The following RNF145 variants were observed in gnomAD, a reference collection of about 807,000 sequenced individuals.
RNF145 encodes the protein ring finger protein 145.
A neutral mutation model predicts 57.3 loss-of-function variants in RNF145; 12 were observed. That is an observed-to-expected ratio of 0.21 (90% confidence interval 0.13 to 0.34). The LOEUF (loss-of-function observed/expected upper bound fraction) is 0.34. Among genes scored for constraint, RNF145 ranks in the 10% least tolerant of loss-of-function variants. RNF145 has a pLI of 1.00. For synonymous variants in RNF145, 262 were observed against 288.3 expected (o/e 0.91, Z 0.92); for missense variants, 429 against 799.0 (o/e 0.54, Z 5.58).
rs1477547461 is a variant in RNF145 at position 159,161,337 on chromosome 5, T to A, written c.1555A>T (p.Ile519Phe). Residue 519 changes from isoleucine to phenylalanine, a missense_variant, in exon 10 of 11, where the codon ATT (isoleucine) becomes TTT (phenylalanine). Coordinates refer to ENST00000424310, the MANE Select transcript of RNF145 (RefSeq NM_001199383.2). ...TTCGTAGCAATGGGTAACGATTTAA[T>A]CTTATTCACAGCATCCCTGCGGAGA... ...FLLRRDAVNK[I>F]KSLPIATKEQ... 6.2e-7 allele frequency: 1 copy of A among 1,614,088 alleles called. No homozygotes were observed. The highest frequency in any genetic ancestry group is 2.2e-5 in the East Asian group (1 of 44,904).
intron 8 of RNF145, among the ~76,000 whole-genome samples, chr5:159,166,558 C>T (rs1784398823): frequency 6.6e-6 from 1 of 152,120 alleles, no homozygotes; most frequent in Non-Finnish European, 1.5e-5. Flanking sequence ...AGATAGGAAT[C>T]CAGTGTTTTT....
upstream of RNF145, chr5:159,209,742 G>A: frequency 8.6e-7 from 1 of 1,167,224 alleles, no homozygotes; most frequent in Middle Eastern, 2.6e-4. Flanking sequence ...TGGCTATGGA[G>A]AGGCGTACTG....
Position 159,169,829 on chromosome 5 carries a change from AAG to A in RNF145, c.798-12_798-11del, listed in dbSNP as rs764055578. 3.0e-5 allele frequency: 47 copies of A among 1,589,586 alleles called. 1 individual carries two copies. The South Asian group carries it at 4.4e-4, about 15-fold the overall frequency. ...GCAGCATTCCGCAATACTGGAAAAA[AAG>A]AGGGGGAAATTAACAGACATAAACT... On this transcript the variant is annotated splice_polypyrimidine_tract_variant and intron_variant, in intron 6 of 10. Transcript: ENST00000424310.
rs369315767 is a variant in RNF145 at position 159,182,567 on chromosome 5, C to T, written c.294-516G>A. On this transcript the variant is annotated intron_variant, in intron 3 of 10. Transcript: ENST00000424310. ...AACCCTTAAAAATTATCATTTTCAA[C>T]TCTATATGAAATCTAAGATAATTAT... Among the ~76,000 whole-genome samples, 15 of 152,248 alleles carry T rather than the reference C, an allele frequency of 9.9e-5. No homozygotes were observed. The East Asian group carries it at 2.3e-3, about 23-fold the overall frequency.
chr5:159,191,920 G>T (rs1785302150), intron 3 of RNF145, among the ~76,000 whole-genome samples: 1 of 151,966 alleles, frequency 6.6e-6, no homozygotes, highest in Admixed American at 6.6e-5. Flanking sequence ...AAACTACTTA[G>T]GTCCCCTTTT....
chr5:159,172,979 G>A (rs1010831976), intron 6 of RNF145, among the ~76,000 whole-genome samples: 1 of 152,182 alleles, frequency 6.6e-6, no homozygotes, highest in Admixed American at 6.5e-5. Flanking sequence ...ACTAGATTCT[G>A]AGAATGTGAG....
chr5:159,185,301 G>A (rs1785021488), intron 3 of RNF145, among the ~76,000 whole-genome samples: 1 of 152,106 alleles, frequency 6.6e-6, no homozygotes, highest in African/African-American at 2.4e-5. Flanking sequence ...TTTGGTGACA[G>A]CTAAACTACC....
chr5:159,162,462 C>T (rs1432994701), intron 9 of RNF145, among the ~76,000 whole-genome samples: 3 of 140,032 alleles, frequency 2.1e-5, no homozygotes. Flanking sequence ...GAGTCTCGCT[C>T]TGTCGCCCAG....
chr5:159,181,230 T>C (rs1349032794), intron 4 of RNF145, among the ~76,000 whole-genome samples: 1 of 151,250 alleles, frequency 6.6e-6, no homozygotes, highest in Non-Finnish European at 1.5e-5. Flanking sequence ...TCCACAGCAT[T>C]CCCCCCTTCA....
Position 159,168,939 on chromosome 5 carries a change from G to C in RNF145, c.1055C>G (p.Ser352Cys). Residue 352 changes from serine to cysteine, a missense_variant, in exon 8 of 11, where the codon TCT becomes TGT. By Grantham distance (112) the Ser-to-Cys change is moderately radical. Coordinates refer to ENST00000424310, the MANE Select transcript of RNF145 (RefSeq NM_001199383.2). ...LSIILFIVVA[S>C]ILQSMLEIAD... ...AATTTCTAACATAGACTGTAGGATAGAAGCTACGACAATGAAAAGGATAAT... is the reference window on the plus strand; with the variant it reads ...AATTTCTAACATAGACTGTAGGATACAAGCTACGACAATGAAAAGGATAAT... The C allele has an allele frequency of 6.2e-7, 1 of 1,607,178 alleles. No homozygotes were observed. The highest frequency in any genetic ancestry group is 8.5e-7 in the Non-Finnish European group (1 of 1,178,112).
intron 8 of RNF145, among the ~76,000 whole-genome samples, chr5:159,168,671 T>C (rs568307446): frequency 1.2e-3 from 179 of 152,200 alleles, no homozygotes; most frequent in African/African-American, 4.2e-3. Context: ...CTAAAAAATC[T>C]TGAGAGAAAA....
chr5:159,165,041 C>T (rs1209694045), intron 8 of RNF145, among the ~76,000 whole-genome samples: 1 of 152,164 alleles, frequency 6.6e-6, no homozygotes, highest in Non-Finnish European at 1.5e-5. Context: ...ATTCCCAGTA[C>T]ACTGAATTGA....
chr5:159,199,615 GTCT>G (rs1384161385), intron 2 of RNF145, among the ~76,000 whole-genome samples: 1 of 151,908 alleles, frequency 6.6e-6, no homozygotes, highest in African/African-American at 2.4e-5. Flanking sequence ...ATCCTAACTG[GTCT>G]TCTTACCTCC....
intron 1 of RNF145, among the ~76,000 whole-genome samples, chr5:159,208,361 G>A (rs1304686662): frequency 1.3e-5 from 2 of 152,222 alleles, no homozygotes; most frequent in Non-Finnish European, 2.9e-5. Flanking sequence ...GGCTCGCGAA[G>A]AAAAACGCGG....
At chr5:159,197,042 T>C (rs142674158) in intron 2 of RNF145, among the ~76,000 whole-genome samples, 1 of 152,332 alleles carries the variant, frequency 6.6e-6, no homozygotes, top group East Asian at 1.9e-4. Flanking sequence ...ACATGGAAGA[T>C]CCAAAATTAA....
At chr5:159,188,465 C>CGAG (rs1359229846) in intron 3 of RNF145, among the ~76,000 whole-genome samples, 1 of 151,722 alleles carries the variant, frequency 6.6e-6, no homozygotes, top group Non-Finnish European at 1.5e-5. Context: ...GTGACCACAC[C>CGAG]CTCACAGGAA....
At position 159,209,193 on chromosome 5, in the gene RNF145, G is replaced by T. The variant is rs2113267219; in HGVS notation, c.-40+38C>A. ...AGGCCGTGGGAAGCGGCCGGGGGGCGCGGGGATGGGAAGGGGCCGGGCGGG... is the reference window on the plus strand; with the variant it reads ...AGGCCGTGGGAAGCGGCCGGGGGGCTCGGGGATGGGAAGGGGCCGGGCGGG... On this transcript the variant is annotated intron_variant, in intron 1 of 10. Transcript: ENST00000424310. The T allele has an allele frequency of 4.3e-6, 4 of 924,862 alleles. No individual in the cohort carries two copies. The South Asian group carries it at 1.5e-4, about 35-fold the overall frequency. The allele number at this position is 924,862 out of a possible 1,614,324, so 57.3% of individuals were successfully genotyped here.
chr5:159,197,817 T>A (rs1218927249), intron 2 of RNF145, among the ~76,000 whole-genome samples: 1 of 152,066 alleles, frequency 6.6e-6, no homozygotes, highest in Non-Finnish European at 1.5e-5. Context: ...CTAGGCCAGG[T>A]GTAGTAGTGC....
chr5:159,209,723 C>T (rs1348265573), upstream of RNF145: 10 of 1,108,412 alleles, frequency 9.0e-6, no homozygotes, highest in East Asian at 5.2e-5. Context: ...CCATACAGCC[C>T]GGCTCGGGTG....
Sources: allele counts gnomAD v4.1 joint callset (sites outside exome capture counted in the v4.1 genomes callset), GRCh38; gene constraint gnomAD v4.1.1; transcripts MANE v1.5; gene names NCBI Gene and HGNC (gene_info 2026-07-23, HGNC 2026-07-21).